The following CDKAL1 variants were observed in gnomAD, a reference collection of about 807,000 sequenced individuals.
CDKAL1 encodes the protein CDKAL1 threonylcarbamoyladenosine tRNA methylthiotransferase, also known as threonylcarbamoyladenosine tRNA methylthiotransferase.
In CDKAL1, 32 loss-of-function variants were observed where a neutral mutation model predicts 68.2. That is an observed-to-expected ratio of 0.47 (90% CI 0.35 to 0.63). The LOEUF (loss-of-function observed/expected upper bound fraction) is 0.63. CDKAL1 is among the 30% of genes least tolerant of loss of function. The pLI is 0.00. For missense variants in CDKAL1, 606 were observed against 696.7 expected (o/e 0.87, Z 1.47); for synonymous variants, 234 against 244.3 (o/e 0.96, Z 0.39).
At chr6:20,715,105 TACA>T (rs1772029299) in intron 5 of CDKAL1, among the ~76,000 whole-genome samples, 2 of 152,234 alleles carry the variant, frequency 1.3e-5, no homozygotes, top group Admixed American at 6.5e-5. Flanking sequence ...CTGAATATAA[TACA>T]ACATTATTAA....
intron 7 of CDKAL1, among the ~76,000 whole-genome samples, chr6:20,780,759 C>T (rs1387496896): frequency 4.0e-5 from 6 of 150,860 alleles, no homozygotes; most frequent in Non-Finnish European, 5.9e-5. Flanking sequence ...CTGCAAACTC[C>T]GCCTCCCGGG....
chr6:21,215,048 G>C (rs543041452), intron 15 of CDKAL1, among the ~76,000 whole-genome samples: 1 of 152,318 alleles, frequency 6.6e-6, no homozygotes, highest in African/African-American at 2.4e-5. Flanking sequence ...GTGGGGCTCA[G>C]CTGATCTCAG....
intron 12 of CDKAL1, among the ~76,000 whole-genome samples, chr6:21,079,643 T>C (rs570514396): frequency 6.6e-6 from 1 of 152,334 alleles, no homozygotes; most frequent in South Asian, 2.1e-4. Context: ...CAAGAACATT[T>C]TACAAGGACC....
At chr6:21,044,746 G>A (rs1483811486) in intron 11 of CDKAL1, among the ~76,000 whole-genome samples, 1 of 152,106 alleles carries the variant, frequency 6.6e-6, no homozygotes, top group Non-Finnish European at 1.5e-5. Flanking sequence ...ACCTCTGTAA[G>A]CTAGACATAT....
At chr6:20,960,141 G>T (rs1764979916) in intron 10 of CDKAL1, among the ~76,000 whole-genome samples, 1 of 152,028 alleles carries the variant, frequency 6.6e-6, no homozygotes, top group South Asian at 2.1e-4. Context: ...TTTTTGAGAT[G>T]GGGTTTTGCT....
At chr6:20,535,440 T>G in intron 2 of CDKAL1, 46 bp downstream of exon 2, 1 of 152,362 alleles carries the variant, frequency 6.6e-6, no homozygotes, top group East Asian at 1.9e-4. Context: ...CTGTGCGTAT[T>G]TCTGCATGTT....
intron 5 of CDKAL1, among the ~76,000 whole-genome samples, chr6:20,697,646 G>A (rs535542900): frequency 5.3e-5 from 8 of 152,258 alleles, no homozygotes; most frequent in East Asian, 1.9e-4. Context: ...TTTTCATACC[G>A]TTTCAATTGG....
Position 20,786,790 on chromosome 6 carries a change from C to T in CDKAL1, c.638+5525C>T, listed in dbSNP as rs900410103. Among the ~76,000 whole-genome samples the T allele has an allele frequency of 5.9e-5, 9 of 152,200 alleles. No individual in the cohort carries two copies. The East Asian group carries it at 7.7e-4, about 13-fold the overall frequency. On this transcript the variant is annotated intron_variant, in intron 8 of 15. Transcript: ENST00000274695. ...GGAATTACAGGTGAGCCACCGCTCC[C>T]GGCCTTGACTCCCTTATTTTTTCTA... is the stretch of plus-strand genomic sequence containing the variant.
chr6:20,547,465 A>T (rs1361912851), intron 3 of CDKAL1, among the ~76,000 whole-genome samples: 2 of 152,204 alleles, frequency 1.3e-5, no homozygotes, highest in Admixed American at 6.5e-5. Context: ...GGGCACAAAT[A>T]AATTATTGCC....
intron 12 of CDKAL1, among the ~76,000 whole-genome samples, chr6:21,098,534 CTTTTTTT>C (rs34764667): frequency 2.5e-5 from 2 of 80,972 alleles, no homozygotes; most frequent in African/African-American, 9.2e-5. Context: ...GGGTACACAG[CTTTTTTT>C]TTTTTTTTTT....
At chr6:20,861,209 G>A (rs1759606349) in intron 9 of CDKAL1, among the ~76,000 whole-genome samples, 1 of 152,132 alleles carries the variant, frequency 6.6e-6, no homozygotes, top group Non-Finnish European at 1.5e-5. Context: ...GGGTAGCCCA[G>A]AATGTCATTA....
intron 13 of CDKAL1, among the ~76,000 whole-genome samples, chr6:21,114,549 G>A (rs141512138): frequency 2.6e-5 from 4 of 151,998 alleles, no homozygotes; most frequent in East Asian, 1.9e-4. Flanking sequence ...CCTGGACAAC[G>A]TAAGGAGACT....
At chr6:21,207,726 A>G (rs907058826) in intron 15 of CDKAL1, among the ~76,000 whole-genome samples, 4 of 152,194 alleles carry the variant, frequency 2.6e-5, no homozygotes, top group African/African-American at 9.7e-5. Flanking sequence ...TAGGATATAC[A>G]TGGAAATGGC....
At chr6:20,787,846 T>C (rs1775740087) in intron 8 of CDKAL1, among the ~76,000 whole-genome samples, 1 of 152,228 alleles carries the variant, frequency 6.6e-6, no homozygotes, top group African/African-American at 2.4e-5. Flanking sequence ...GAGTTATAAT[T>C]CATTTTCACT....
At chr6:21,015,909 C>G (rs988237990) in intron 11 of CDKAL1, among the ~76,000 whole-genome samples, 2 of 149,092 alleles carry the variant, frequency 1.3e-5, no homozygotes, top group African/African-American at 5.0e-5. Flanking sequence ...GATTGTGCCA[C>G]TGAACTTCAG....
At chr6:20,667,519 T>C (rs1429815179) in intron 5 of CDKAL1, among the ~76,000 whole-genome samples, 4 of 152,160 alleles carry the variant, frequency 2.6e-5, no homozygotes, top group Non-Finnish European at 4.4e-5. Flanking sequence ...CTTTGCTATC[T>C]GAGGTAACAA....
intron 13 of CDKAL1, among the ~76,000 whole-genome samples, chr6:21,150,220 G>T (rs1776351013): frequency 6.6e-6 from 1 of 152,128 alleles, no homozygotes. Flanking sequence ...CACATAAACT[G>T]CAGGAGTTAC....
chr6:20,631,340 A>G (rs1225013094), intron 4 of CDKAL1, among the ~76,000 whole-genome samples: 1 of 152,126 alleles, frequency 6.6e-6, no homozygotes, highest in Non-Finnish European at 1.5e-5. Context: ...CTGCTTGCAT[A>G]TATCACTGGT....
intron 12 of CDKAL1, among the ~76,000 whole-genome samples, chr6:21,082,813 T>G (rs573762845): frequency 1.8e-4 from 27 of 152,066 alleles, no homozygotes; most frequent in African/African-American, 6.5e-4. Flanking sequence ...TGCATATATA[T>G]AATGTGATAT....
Sources: gnomAD v4.1 joint callset for allele counts (sites outside exome capture counted in the v4.1 genomes callset) on GRCh38, gnomAD v4.1.1 for gene constraint, MANE v1.5 for transcripts, NCBI Gene and HGNC (gene_info 2026-07-23, HGNC 2026-07-21) for gene names.